MTHFD1L: variants seen among roughly 807,000 people sequenced by gnomAD.
MTHFD1L encodes the protein monofunctional C1-tetrahydrofolate synthase, mitochondrial.
A neutral mutation model predicts 119.5 loss-of-function variants in MTHFD1L; 81 were observed. The observed-to-expected ratio is 0.68, with a 90% CI of 0.57 to 0.82. The LOEUF (loss-of-function observed/expected upper bound fraction) is 0.82. Ranked by LOEUF, MTHFD1L falls within the 40% of genes least tolerant of loss-of-function variation. The probability of loss-of-function intolerance (pLI) is 0.00; values close to 1 mark genes in which losing one functional copy is unlikely to be tolerated. For synonymous variants in MTHFD1L, 430 were observed against 475.2 expected (o/e 0.90, Z 1.24); for missense variants, 1,125 against 1,253.4 (o/e 0.90, Z 1.55).
chr6:150,885,199 GTTT>G (rs34025381), intron 5 of MTHFD1L, among the ~76,000 whole-genome samples: 1 of 135,080 alleles, frequency 7.4e-6, no homozygotes, highest in African/African-American at 2.8e-5. Context: ...TTTTTTATGG[GTTT>G]TTTTTTTTTT....
chr6:150,885,575 C>A, intron 5 of MTHFD1L, 59 bp from the exon 6 acceptor site: 2 of 1,251,428 alleles, frequency 1.6e-6, no homozygotes, highest in Non-Finnish European at 2.3e-6. Flanking sequence ...GTACATTACA[C>A]GTGAGTGATT....
intron 20 of MTHFD1L, among the ~76,000 whole-genome samples, chr6:150,978,075 A>G (rs1776876621): frequency 6.6e-6 from 1 of 151,524 alleles, no homozygotes; most frequent in South Asian, 2.1e-4. Context: ...TAATTTTTGT[A>G]TTTTCAGTAG....
chr6:150,952,808 G>A (rs1352824464), intron 16 of MTHFD1L, among the ~76,000 whole-genome samples: 3 of 152,134 alleles, frequency 2.0e-5, no homozygotes, highest in Non-Finnish European at 2.9e-5. Context: ...GATTACAGGC[G>A]TGAGCCACCG....
intron 20 of MTHFD1L, among the ~76,000 whole-genome samples, chr6:150,983,202 A>C (rs190323079): frequency 1.2e-4 from 18 of 152,274 alleles, no homozygotes. Flanking sequence ...TGAGTTACAA[A>C]TATCTTCTCC....
chr6:150,919,472 G>A (rs1194330999), intron 9 of MTHFD1L, among the ~76,000 whole-genome samples: 3 of 152,038 alleles, frequency 2.0e-5, no homozygotes, highest in Non-Finnish European at 2.9e-5. Context: ...TGATCCACCC[G>A]CCTTGGCCTC....
intron 5 of MTHFD1L, among the ~76,000 whole-genome samples, chr6:150,884,841 C>CAG (rs1374761348): frequency 6.6e-6 from 1 of 152,148 alleles, no homozygotes; most frequent in Non-Finnish European, 1.5e-5. Context: ...CCCGACTTCT[C>CAG]AAGGAGATAA....
rs373263570 is a variant in MTHFD1L, at chr6:150,944,523, C to T, written c.1478C>T (p.Thr493Ile). The T allele has an allele frequency of 1.8e-5, 29 of 1,613,922 alleles. No homozygotes were observed. Among genetic ancestry groups the T allele is most frequent in the Non-Finnish European group, 2.3e-5 (27 of 1,179,972 alleles). The change falls in exon 14 of 28, where the codon ACC becomes ATC. Residue 493 changes from threonine (T) to isoleucine (I), a missense_variant. Transcript: ENST00000367321. ...TTGACTGGAGACATCCACGCCATCA[C>T]CGCTGCCAATAACTTGCTGGCTGCC... is the stretch of plus-strand genomic sequence containing the variant. ...LHLTGDIHAI[T>I]AANNLLAAAI...
intron 7 of MTHFD1L, among the ~76,000 whole-genome samples, chr6:150,897,160 T>G (rs919849241): frequency 6.6e-5 from 10 of 151,996 alleles, no homozygotes; most frequent in African/African-American, 2.4e-4. Context: ...AACAGACTGA[T>G]TGGTCTTAGG....
chr6:151,090,767 A>G (rs1207253721), intron 26 of MTHFD1L, among the ~76,000 whole-genome samples: 1 of 152,250 alleles, frequency 6.6e-6, no homozygotes, highest in African/African-American at 2.4e-5. Context: ...GAGGTTCTAC[A>G]TGATATGGCA....
intron 24 of MTHFD1L, among the ~76,000 whole-genome samples, chr6:151,027,210 C>T (rs918663421): frequency 5.9e-5 from 9 of 152,040 alleles, no homozygotes; most frequent in African/African-American, 2.2e-4. Context: ...CCTCCCTCTG[C>T]AACCTGTGAT....
rs1778202123 is a variant in MTHFD1L, at chr6:150,865,849, G to C, written c.27G>C (p.Leu9=). The change falls in exon 1 of 28, where the codon CTG becomes CTC. Residue 9 remains leucine, a synonymous_variant. Coordinates refer to ENST00000367321, the MANE Select transcript of MTHFD1L (RefSeq NM_015440.5). MGTRLPLV[L]RQLRRPPQPP... is the part of the protein sequence containing the mutation. The stretch of plus-strand genomic sequence containing the variant: ...TGGGCACGCGTCTGCCGCTCGTCCT[G>C]CGCCAGCTCCGCCGCCCGCCCCAGC... 4 of 1,230,960 alleles carry C rather than the reference G, an allele frequency of 3.2e-6. No individual in the cohort carries two copies. Among genetic ancestry groups the C allele is most frequent in the African/African-American group, 3.2e-5 (2 of 62,602 alleles). 76.3% of individuals were successfully genotyped at this position (1,230,960 alleles called of 1,614,324 possible).
At chr6:150,925,558 A>T (rs1789801822) in intron 10 of MTHFD1L, among the ~76,000 whole-genome samples, 1 of 152,230 alleles carries the variant, frequency 6.6e-6, no homozygotes. Flanking sequence ...GTAATTAATA[A>T]AACATTTTGA....
At chr6:150,991,572 A>G (rs1779072857) in intron 20 of MTHFD1L, among the ~76,000 whole-genome samples, 1 of 152,120 alleles carries the variant, frequency 6.6e-6, no homozygotes, top group South Asian at 2.1e-4. Flanking sequence ...TTTTTTTTAT[A>G]AAAGGAAAAA....
At position 150,994,077 on chromosome 6, in the gene MTHFD1L, A is replaced by AAAAG. The variant is rs770291898; in HGVS notation, c.2126-15725_2126-15722dup. 1.1e-4 allele frequency among the ~76,000 whole-genome samples: 12 copies of AAAAG among 105,312 alleles called. No individual in the cohort carries two copies. The South Asian group carries it at 2.1e-3, about 19-fold the overall frequency. The allele number at this position is 105,312 out of a possible 152,430, so 69.1% of individuals were successfully genotyped here. On this transcript the variant is annotated intron_variant, in intron 20 of 27. Transcript: ENST00000367321. ...TAACAACAACAGTAAAAAAAAAAAAAAAAGAAAGAAAGAAAGAAAGTGACC... is the reference window on the plus strand; with the variant it reads ...TAACAACAACAGTAAAAAAAAAAAAAAAAGAAAGAAAGAAAGAAAGAAAGTGACC...
intron 1 of MTHFD1L, 60 bp downstream of exon 1, chr6:150,866,109 C>T (rs1274833443): frequency 3.4e-5 from 50 of 1,465,642 alleles, no homozygotes; most frequent in Non-Finnish European, 4.4e-5. Flanking sequence ...GACCCAGGGG[C>T]GGAGCGCCCG....
chr6:150,904,533 G>T (rs1180291559), intron 7 of MTHFD1L, among the ~76,000 whole-genome samples: 5 of 152,138 alleles, frequency 3.3e-5, no homozygotes, highest in Non-Finnish European at 7.3e-5. Flanking sequence ...AATATTCAAT[G>T]GTGTAATACT....
At chr6:151,058,979 A>G (rs986715180) in intron 26 of MTHFD1L, among the ~76,000 whole-genome samples, 2 of 152,118 alleles carry the variant, frequency 1.3e-5, no homozygotes, top group African/African-American at 4.8e-5. Flanking sequence ...CCTGGCCCAC[A>G]GAGCTTCTAA....
At chr6:150,965,069 G>A (rs1221644825) in intron 19 of MTHFD1L, 32 bp downstream of exon 19, 6 of 1,592,270 alleles carry the variant, frequency 3.8e-6, no homozygotes, top group Non-Finnish European at 5.2e-6. Context: ...GTAATTGTTT[G>A]CATTAACTGG....
chr6:150,926,395 A>ACATTTGACATTTCGTCCATTT lies in MTHFD1L; in HGVS notation c.1256+107_1256+127dup, dbSNP rs1474411125. The ACATTTGACATTTCGTCCATTT allele has an allele frequency of 3.2e-5, 34 of 1,075,946 alleles. No individual in the cohort carries two copies. The highest frequency in any genetic ancestry group is 1.8e-4 in the South Asian group (10 of 55,898). The allele number at this position is 1,075,946 out of a possible 1,614,324, so 66.6% of individuals were successfully genotyped here. A position where few individuals can be genotyped will look rare whatever the true frequency, so the allele number is the denominator to read the frequency against. On this transcript the variant is annotated intron_variant, in intron 11 of 27. Coordinates refer to ENST00000367321, the MANE Select transcript of MTHFD1L (RefSeq NM_015440.5). The surrounding 1 kb of genome is among the most constrained non-coding windows in gnomAD (Gnocchi z 4.3). ...GTACCCCTCAATCCATCCTATTCTC[A>ACATTTGACATTTCGTCCATTT]CATTTGACATTTCGTCCATTTCATT...
Sources: gnomAD v4.1 joint callset for allele counts (sites outside exome capture counted in the v4.1 genomes callset) on GRCh38, gnomAD v4.1.1 for gene constraint, Gnocchi (gnomAD v3.1) non-coding constraint, MANE v1.5 for transcripts, NCBI Gene and HGNC (gene_info 2026-07-23, HGNC 2026-07-21) for gene names.